EIF4E3: variants seen among roughly 807,000 people sequenced by gnomAD.
The protein encoded by EIF4E3 is eukaryotic translation initiation factor 4E type 3.
A neutral mutation model predicts 31.7 loss-of-function variants in EIF4E3; 26 were observed. That is an observed-to-expected ratio of 0.82 (90% CI 0.60 to 1.14). EIF4E3 has a LOEUF of 1.14. Ranked by LOEUF, EIF4E3 falls within the 50% of genes most tolerant of loss-of-function variation. EIF4E3 has a pLI of 0.00. For synonymous variants in EIF4E3, 128 were observed against 107.7 expected (o/e 1.19, Z -1.17); for missense variants, 304 against 270.9 (o/e 1.12, Z -0.86).
chr3:71,750,403 C>T (rs2049914843), intron 1 of EIF4E3, among the ~76,000 whole-genome samples: 1 of 152,094 alleles, frequency 6.6e-6, no homozygotes, highest in Non-Finnish European at 1.5e-5. Flanking sequence ...CTGGGTTCTC[C>T]CTCCCACTCA....
chr3:71,754,106 C>A, upstream of EIF4E3: 2 of 1,400,516 alleles, frequency 1.4e-6, no homozygotes, highest in Non-Finnish European at 1.9e-6. The surrounding 1 kb of genome is among the most constrained non-coding windows in gnomAD (Gnocchi z 5.8). Flanking sequence ...CCGCCCTGGG[C>A]CTCAAGCTGG....
chr3:71,694,060 T>C (rs1179221907), intron 4 of EIF4E3, 119 bp from the exon 5 acceptor site: 2 of 970,132 alleles, frequency 2.1e-6, no homozygotes, highest in African/African-American at 1.7e-5. Context: ...TCTGTGCCCA[T>C]ACTTGGAGTC....
intron 6 of EIF4E3, among the ~76,000 whole-genome samples, chr3:71,686,980 C>A (rs767521964): frequency 6.6e-6 from 1 of 152,124 alleles, no homozygotes; most frequent in Non-Finnish European, 1.5e-5. Flanking sequence ...ACCATATGGT[C>A]TCTGTCCCAA....
chr3:71,707,646 T>C (rs1349520241), intron 2 of EIF4E3, among the ~76,000 whole-genome samples: 1 of 152,170 alleles, frequency 6.6e-6, no homozygotes, highest in African/African-American at 2.4e-5. Context: ...CCCTTTTTCC[T>C]AATCACCTAT....
chr3:71,712,296 GC>G (rs2049390727), intron 1 of EIF4E3, among the ~76,000 whole-genome samples: 1 of 152,084 alleles, frequency 6.6e-6, no homozygotes, highest in Non-Finnish European at 1.5e-5. Flanking sequence ...TCATACCTGG[GC>G]CCCTGATGAA....
intron 2 of EIF4E3, 53 bp downstream of exon 2, chr3:71,710,359 T>G: frequency 6.5e-7 from 1 of 1,526,852 alleles, no homozygotes. Flanking sequence ...GTTGGGTGAT[T>G]AGGTGTCTGA....
chr3:71,669,860 C>T, the EIF4E3 span, among the ~76,000 whole-genome samples: 1 of 152,220 alleles, frequency 6.6e-6, no homozygotes, highest in African/African-American at 2.4e-5. Context: ...GAATTTGACA[C>T]ATACTTTCTA....
downstream of EIF4E3, among the ~76,000 whole-genome samples, chr3:71,671,064 C>G (rs948942816): frequency 2.0e-5 from 3 of 152,060 alleles, no homozygotes; most frequent in South Asian, 2.1e-4. Flanking sequence ...AGCTGAACCT[C>G]TGTGTGCAGA....
At chr3:71,670,369 T>G in the EIF4E3 span, among the ~76,000 whole-genome samples, 236 of 152,192 alleles carry the variant, frequency 1.6e-3, 1 homozygote, top group African/African-American at 5.4e-3. Context: ...TGCCCCTCCT[T>G]TTTCCCATTT....
chr3:71,672,060 AGTGGCCCC>A (rs2048849929), downstream of EIF4E3, among the ~76,000 whole-genome samples: 1 of 152,154 alleles, frequency 6.6e-6, no homozygotes, highest in East Asian at 1.9e-4. Context: ...GGGCTGCCGG[AGTGGCCCC>A]AGAGCAGTTG....
At chr3:71,698,000 T>A (rs759311932) in intron 3 of EIF4E3, among the ~76,000 whole-genome samples, 23 of 152,224 alleles carry the variant, frequency 1.5e-4, no homozygotes, top group Non-Finnish European at 2.8e-4. Flanking sequence ...CTGTTCTCCA[T>A]AGTTGGCTGT....
In EIF4E3 at chr3:71,682,005, G is replaced by A. The variant is rs1304614384; in HGVS notation, c.*2677C>T. 1.3e-5 allele frequency: 2 copies of A among 152,112 alleles called. No homozygotes were observed. The highest frequency in any genetic ancestry group is 2.9e-5 in the Non-Finnish European group (2 of 68,020). The allele number at this position is 152,112 out of a possible 1,614,324, so 9.4% of individuals were successfully genotyped here. ...TCATTTAAGAAATGTGGAAAAGTTG[G>A]GGGGAAAGAGGAAATCTTAAAACTG... On this transcript the variant is annotated 3_prime_UTR_variant, in exon 7 of 7. Transcript: ENST00000425534.
chr3:71,690,239 C>T, intron 5 of EIF4E3, 74 bp from the exon 6 acceptor site: 3 of 1,429,030 alleles, frequency 2.1e-6, no homozygotes, highest in Non-Finnish European at 2.8e-6. Context: ...AGAACTTAGT[C>T]TTTTTATCTG....
At chr3:71,732,104 T>C (rs1055839312) in intron 1 of EIF4E3, among the ~76,000 whole-genome samples, 2 of 152,182 alleles carry the variant, frequency 1.3e-5, no homozygotes, top group African/African-American at 2.4e-5. Flanking sequence ...TCTGGGTTCC[T>C]AGCACGGTGT....
chr3:71,715,327 A>C (rs1042744140), intron 1 of EIF4E3, among the ~76,000 whole-genome samples: 1 of 152,236 alleles, frequency 6.6e-6, no homozygotes, highest in Non-Finnish European at 1.5e-5. Flanking sequence ...ATGTTTTAGC[A>C]CACCTTCTGT....
chr3:71,686,238 C>T (rs2048989196), intron 6 of EIF4E3, among the ~76,000 whole-genome samples: 1 of 152,182 alleles, frequency 6.6e-6, no homozygotes, highest in Non-Finnish European at 1.5e-5. Flanking sequence ...GATCCACCGG[C>T]CTCAGACTCC....
chr3:71,725,429 CACCCCCG>C, upstream of EIF4E3: 4 of 960,416 alleles, frequency 4.2e-6, no homozygotes, highest in Non-Finnish European at 4.9e-6. This position sits in a 1 kb window ranked among gnomAD's most constrained non-coding sequence, Gnocchi z 6.1. Flanking sequence ...GCGGCTGAGT[CACCCCCG>C]GCCCCCGCCC....
intron 1 of EIF4E3, among the ~76,000 whole-genome samples, chr3:71,738,245 A>AGTT (rs2049783367): frequency 6.6e-6 from 1 of 152,206 alleles, no homozygotes; most frequent in Admixed American, 6.5e-5. Context: ...ACAGAAAACT[A>AGTT]ACTATGCCAG....
downstream of EIF4E3, among the ~76,000 whole-genome samples, chr3:71,674,783 C>A (rs1350171668): frequency 6.6e-6 from 1 of 152,188 alleles, no homozygotes; most frequent in Non-Finnish European, 1.5e-5. Context: ...TAACTCTTTA[C>A]CACATCCAAA....
Sources: allele counts gnomAD v4.1 joint callset (sites outside exome capture counted in the v4.1 genomes callset), GRCh38; gene constraint gnomAD v4.1.1; non-coding constraint Gnocchi (gnomAD v3.1); transcripts MANE v1.5; gene names NCBI Gene and HGNC (gene_info 2026-07-23, HGNC 2026-07-21).